Variants in FANCA observed in about 807,000 individuals in gnomAD.
The protein encoded by FANCA is Fanconi anemia group A protein.
A neutral mutation model predicts 194.3 loss-of-function variants in FANCA; 236 were observed. The observed-to-expected ratio is 1.21, with a 90% CI of 1.09 to 1.35. FANCA has a LOEUF of 1.35. FANCA is among the 40% of genes most tolerant of loss of function. FANCA has a pLI of 0.00. For synonymous variants in FANCA, 1,014 were observed against 715.8 expected (o/e 1.42, Z -6.65); for missense variants, 2,628 against 1,813.9 (o/e 1.45, Z -8.15).
At chr16:89,776,318 C>T (rs1187949294) in intron 20 of FANCA, among the ~76,000 whole-genome samples, 1 of 151,304 alleles carries the variant, frequency 6.6e-6, no homozygotes, top group East Asian at 1.9e-4. Flanking sequence ...CAGGCGCCTG[C>T]CACCAGGCCC....
Position 89,739,290 on chromosome 16 carries a change from C to G in FANCA, c.4011-1G>C, listed in dbSNP as rs761988162. 4.3e-6 allele frequency: 7 copies of G among 1,614,138 alleles called. No individual in the cohort carries two copies. Among genetic ancestry groups the G allele is most frequent in the Non-Finnish European group, 5.9e-6 (7 of 1,180,030 alleles). On this transcript the variant is annotated splice_acceptor_variant, in intron 40 of 42. Coordinates refer to ENST00000389301, the MANE Select transcript of FANCA (RefSeq NM_000135.4). LOFTEE classifies it high-confidence loss of function. ...GTCTTCATGGAAGTAGGAGAGAAGA[C>G]TAGAGGTAAAGACATAGTGACAAAT... is the stretch of plus-strand genomic sequence containing the variant.
At position 89,749,788 on chromosome 16, in the gene FANCA, T is replaced by C. The variant is rs369878171; in HGVS notation, c.3181A>G (p.Ser1061Gly). Residue 1061 changes from serine to glycine, a missense_variant, in exon 32 of 43, where the codon AGC (serine) becomes GGC (glycine). Ser to Gly is a moderately conservative substitution (Grantham distance 56). Transcript: ENST00000389301. Reference sequence around the variant, plus strand: ...AGGCTGGCAGCCACGCTCCACCCGCTTGTCAGAGCCTGGAGCCGTCTGCGG... The same window carrying C: ...AGGCTGGCAGCCACGCTCCACCCGCCTGTCAGAGCCTGGAGCCGTCTGCGG... The part of the protein sequence containing the change: ...IFRRRLQALT[S>G]GWSVAASLQR... The C allele has an allele frequency of 1.7e-5, 27 of 1,614,132 alleles. No homozygotes were observed. The East Asian group carries it at 2.4e-4, about 15-fold the overall frequency.
At chr16:89,806,847 T>G (rs1425062995) in intron 6 of FANCA, among the ~76,000 whole-genome samples, 1 of 152,166 alleles carries the variant, frequency 6.6e-6, no homozygotes, top group African/African-American at 2.4e-5. Flanking sequence ...CATGGCCCGT[T>G]CTCAATGAGC....
rs751769855 is a variant in FANCA at position 89,737,820 on chromosome 16, A to G, written c.*781T>C. ...TCCCCTCTCAGAGGTGCGGAACTAT[A>G]TCTGTGACGAATGTGGACAAACCTT... On this transcript the variant is annotated 3_prime_UTR_variant, in exon 43 of 43. Transcript: ENST00000389301. 2 of 1,614,104 alleles carry G rather than the reference A, an allele frequency of 1.2e-6. No homozygotes were observed. Among genetic ancestry groups the G allele is most frequent in the South Asian group, 1.1e-5 (1 of 91,072 alleles).
intron 30 of FANCA, among the ~76,000 whole-genome samples, 193 bp downstream of exon 30, chr16:89,758,384 G>A (rs1412582010): frequency 6.6e-6 from 1 of 152,202 alleles, no homozygotes; most frequent in Non-Finnish European, 1.5e-5. Context: ...TGGACTGAAG[G>A]ATGCAAAGCA....
intron 32 of FANCA, among the ~76,000 whole-genome samples, chr16:89,749,518 C>T (rs892250891): frequency 3.3e-5 from 5 of 152,238 alleles, no homozygotes; most frequent in Admixed American, 2.6e-4. Context: ...TGAACCACCT[C>T]GCTTGGCTGG....
At chr16:89,815,089 G>A (rs917385921) in intron 2 of FANCA, among the ~76,000 whole-genome samples, 1 of 151,982 alleles carries the variant, frequency 6.6e-6, no homozygotes, top group Non-Finnish European at 1.5e-5. Context: ...CCAGGCTGGA[G>A]TGCAATGGCG....
At chr16:89,795,284 C>CAATAAGTA (rs1555564095) in intron 11 of FANCA, among the ~76,000 whole-genome samples, 1 of 140,012 alleles carries the variant, frequency 7.1e-6, no homozygotes, top group Non-Finnish European at 1.5e-5. Context: ...ACTCCATCTC[C>CAATAAGTA]AATAAATAAA....
Position 89,776,160 on chromosome 16 carries a change from T to TC in FANCA, c.1827-346_1827-345insG, listed in dbSNP as rs200136739. 1.6e-3 allele frequency among the ~76,000 whole-genome samples: 107 copies of TC among 67,580 alleles called. 6 individuals carry two copies. Among genetic ancestry groups the TC allele is most frequent in the East Asian group, 0.012 (44 of 3,554 alleles). The allele number at this position is 67,580 out of a possible 152,430, so 44.3% of individuals were successfully genotyped here. On this transcript the variant is annotated intron_variant, in intron 20 of 42. Coordinates refer to ENST00000389301, the MANE Select transcript of FANCA (RefSeq NM_000135.4). Reference sequence around the variant, plus strand: ...TTCAAAACACGAATCTTTGTTTTTCTTTTTTTTTTTTTTTTTTTTTTTTTT... The same window carrying TC: ...TTCAAAACACGAATCTTTGTTTTTCTCTTTTTTTTTTTTTTTTTTTTTTTTT...
chr16:89,778,916 C>T, intron 19 of FANCA, 27 bp downstream of exon 19: 4 of 1,614,084 alleles, frequency 2.5e-6, no homozygotes, highest in Non-Finnish European at 3.4e-6. Flanking sequence ...CACAACTGGT[C>T]ACAAACTCAT....
chr16:89,795,541 G>C (rs1428630933), intron 11 of FANCA, among the ~76,000 whole-genome samples: 1 of 152,070 alleles, frequency 6.6e-6, no homozygotes, highest in African/African-American at 2.4e-5. Context: ...GAGAGGCTGA[G>C]ACACGAGAAT....
At chr16:89,799,745 G>A (rs2040377986) in intron 8 of FANCA, 107 bp from the exon 9 acceptor site, 1 of 1,017,536 alleles carries the variant, frequency 9.8e-7, no homozygotes, top group South Asian at 1.3e-5. Flanking sequence ...TAAAGAAACG[G>A]CACTTCAGGA....
intron 26 of FANCA, among the ~76,000 whole-genome samples, chr16:89,768,969 G>A (rs540464538): frequency 2.6e-5 from 4 of 152,188 alleles, no homozygotes; most frequent in Middle Eastern, 3.4e-3. Context: ...GTGGCCAAGC[G>A]CCTAGGAGGG....
At chr16:89,767,075 G>T in intron 27 of FANCA, 66 bp downstream of exon 27, 2 of 1,300,062 alleles carry the variant, frequency 1.5e-6, no homozygotes, top group Non-Finnish European at 2.2e-6. Context: ...TCGGCCTTCC[G>T]GTCCGAAAGC....
chr16:89,748,608 G>T, intron 33 of FANCA, 51 bp downstream of exon 33: 1 of 1,410,142 alleles, frequency 7.1e-7, no homozygotes, highest in Non-Finnish European at 1.0e-6. Flanking sequence ...GCTGCTGTTA[G>T]CGCCACAGGC....
chr16:89,741,266 C>A (rs1343061048), intron 37 of FANCA, among the ~76,000 whole-genome samples: 1 of 152,234 alleles, frequency 6.6e-6, no homozygotes. Flanking sequence ...TGGGCAGGGT[C>A]TCTGTGGACA....
chr16:89,799,749 T>C (rs1406668727), intron 8 of FANCA, 111 bp from the exon 9 acceptor site: 3 of 962,882 alleles, frequency 3.1e-6, no homozygotes, highest in East Asian at 4.9e-5. Context: ...GAAACGGCAC[T>C]TCAGGAGGCC....
intron 17 of FANCA, among the ~76,000 whole-genome samples, chr16:89,781,761 A>C (rs1282019203): frequency 2.0e-5 from 3 of 151,620 alleles, no homozygotes; most frequent in Admixed American, 6.6e-5. Flanking sequence ...GCACTTTGAG[A>C]GGCCGAGACG....
Position 89,792,054 on chromosome 16 carries a change from C to T in FANCA, c.1098G>A (p.Leu366=). 6.2e-7 allele frequency: 1 copy of T among 1,614,244 alleles called. No homozygotes were observed. Among genetic ancestry groups the T allele is most frequent in the South Asian group, 1.1e-5 (1 of 91,088 alleles). ...AATGGCCAACCAACTCCTCTGCACT[C>T]AGCATCACAAAGAGCTGAAATAAAA... ...TSLYRRLFVM[L]SAEELVGHLQ... is the part of the protein sequence containing the mutation. The change falls in exon 13 of 43, where the codon CTG becomes CTA. Residue 366 remains leucine, a synonymous_variant. Coordinates refer to ENST00000389301, the MANE Select transcript of FANCA (RefSeq NM_000135.4).
Sources: allele counts gnomAD v4.1 joint callset (sites outside exome capture counted in the v4.1 genomes callset), GRCh38; gene constraint gnomAD v4.1.1; transcripts MANE v1.5; gene names NCBI Gene and HGNC (gene_info 2026-07-23, HGNC 2026-07-21).